The following PCDHGB1 variants were observed in gnomAD, a reference collection of about 807,000 sequenced individuals.
The protein encoded by PCDHGB1 is protocadherin gamma-B1.
Under a neutral mutation model 56.6 loss-of-function variants are expected in PCDHGB1, and 34 were observed. That is an observed-to-expected ratio of 0.60 (90% CI 0.46 to 0.80). The LOEUF is 0.80. Ranked by LOEUF, PCDHGB1 falls within the 30% of genes least tolerant of loss-of-function variation. The probability of loss-of-function intolerance (pLI) is 0.00; values close to 1 mark genes in which losing one functional copy is unlikely to be tolerated. For synonymous variants in PCDHGB1, 561 were observed against 505.9 expected, an observed-to-expected ratio of 1.11 and a Z score of -1.46; for missense variants, 1,278 against 1,204.6, an observed-to-expected ratio of 1.06 and a Z score of -0.90.
intron 1 of PCDHGB1, chr5:141,387,690 C>A: frequency 1.2e-6 from 1 of 833,028 alleles, no homozygotes; most frequent in Non-Finnish European, 1.8e-6. Context: ...AGCCGCAGCG[C>A]GCTTTCCAGG....
chr5:141,450,253 A>G (rs1025385837), intron 1 of PCDHGB1, among the ~76,000 whole-genome samples: 1 of 152,020 alleles, frequency 6.6e-6, no homozygotes, highest in African/African-American at 2.4e-5. Flanking sequence ...CCTGACCTCA[A>G]GTGATCTGCC....
chr5:141,509,765 T>G (rs1312823974), intron 3 of PCDHGB1, among the ~76,000 whole-genome samples: 2 of 152,120 alleles, frequency 1.3e-5, no homozygotes, highest in Non-Finnish European at 1.5e-5. Flanking sequence ...GTCCCTGAGA[T>G]GTCTAGTCCC....
intron 1 of PCDHGB1, chr5:141,415,577 C>G (rs776744277): frequency 2.5e-6 from 4 of 1,613,744 alleles, no homozygotes; most frequent in South Asian, 2.2e-5. Flanking sequence ...TTAGATGATT[C>G]GAAGTTTCCT....
chr5:141,389,200 A>C, intron 1 of PCDHGB1: 1 of 1,614,034 alleles, frequency 6.2e-7, no homozygotes, highest in Non-Finnish European at 8.5e-7. Context: ...ATCACCCTGC[A>C]CATTGGTGAT....
intron 1 of PCDHGB1, chr5:141,377,075 T>A (rs552169121): frequency 6.6e-6 from 1 of 152,554 alleles, no homozygotes; most frequent in South Asian, 2.1e-4. Flanking sequence ...GAGAGTCACA[T>A]AATTCTAATG....
At chr5:141,384,648 G>A in intron 1 of PCDHGB1, 1 of 1,614,238 alleles carries the variant, frequency 6.2e-7, no homozygotes, top group Middle Eastern at 1.6e-4. Flanking sequence ...GCTCCGCAGA[G>A]CCCGGCTACC....
chr5:141,404,928 C>A lies in PCDHGB1; in HGVS notation c.2409+52259C>A, dbSNP rs145718404. The stretch of plus-strand genomic sequence containing the variant: ...CAGCCCCCTCTCTCGGCCACTGTCA[C>A]GCTCACAGTAGCCATAGCTGACAGC... On this transcript the variant is annotated intron_variant, in intron 1 of 3. Coordinates refer to ENST00000523390, the MANE Select transcript of PCDHGB1 (RefSeq NM_018922.3). The A allele has an allele frequency of 1.9e-6, 3 of 1,613,866 alleles. No individual in the cohort carries two copies. In the South Asian group the frequency reaches 3.3e-5, roughly 18 times the overall value.
chr5:141,428,197 G>A, intron 1 of PCDHGB1: 3 of 1,385,968 alleles, frequency 2.2e-6, no homozygotes, highest in Non-Finnish European at 3.0e-6. Context: ...CGCTCTCTGC[G>A]CCGCTACGCT....
At chr5:141,430,808 G>A in intron 1 of PCDHGB1, 1 of 1,526,682 alleles carries the variant, frequency 6.6e-7, no homozygotes, top group East Asian at 2.3e-5. Flanking sequence ...TGTCCTGCTG[G>A]GAATCCTCCT....
At chr5:141,384,418 A>G (rs761365195) in intron 1 of PCDHGB1, 4 of 1,613,972 alleles carry the variant, frequency 2.5e-6, no homozygotes, top group Non-Finnish European at 3.4e-6. Context: ...CTATGTCTCC[A>G]TAAACTCTGA....
intron 1 of PCDHGB1, chr5:141,355,875 T>A: frequency 6.2e-7 from 1 of 1,613,100 alleles, no homozygotes; most frequent in Non-Finnish European, 8.5e-7. Flanking sequence ...GCTCTGGCAC[T>A]GCCAGGATTC....
chr5:141,419,398 G>A (rs2096375486), intron 1 of PCDHGB1: 7 of 1,613,572 alleles, frequency 4.3e-6, no homozygotes, highest in Non-Finnish European at 5.1e-6. Flanking sequence ...AGAGCGGGGT[G>A]GTGTTCGCGC....
In PCDHGB1 at chr5:141,350,425, T is replaced by C. The variant is rs759895057; in HGVS notation, c.165T>C (p.Ser55=). Residue 55 remains serine, a synonymous_variant, in exon 1 of 4, where the codon AGT becomes AGC. Transcript: ENST00000523390. ...AACTTGCCAAGGATCTGGGGCTCAG[T>C]GTCCGGGAGTTGCCAACTCGAAAAC... ...VGKLAKDLGL[S]VRELPTRKLR... 1.3e-4 allele frequency: 207 copies of C among 1,607,986 alleles called. No homozygotes were observed. Among genetic ancestry groups the C allele is most frequent in the Non-Finnish European group, 1.6e-4 (189 of 1,175,162 alleles).
At position 141,477,572 on chromosome 5, in the gene PCDHGB1, G is replaced by A. The variant is rs375416133; in HGVS notation, c.2410-17235G>A. The A allele has an allele frequency of 6.2e-7, 1 of 1,614,112 alleles. No homozygotes were observed. The highest frequency in any genetic ancestry group is 8.5e-7 in the Non-Finnish European group (1 of 1,180,030). On this transcript the variant is annotated intron_variant, in intron 1 of 3. Coordinates refer to ENST00000523390, the MANE Select transcript of PCDHGB1 (RefSeq NM_018922.3). This position sits in a 1 kb window ranked among gnomAD's most constrained non-coding sequence, Gnocchi z 4.9. ...AAACCTAAGTGTCTGGGACCCCGAC[G>A]CCCCGCAGAATGCTCGGCTTTCTTT...
Position 141,438,593 on chromosome 5 carries a change from T to TAC in PCDHGB1, c.2410-56213_2410-56212insCA, listed in dbSNP as rs1414976871. Reference sequence around the variant, plus strand: ...TGATATACATACATACATACATACATATATATATATATATATATATATATA... The same window carrying TAC: ...TGATATACATACATACATACATACATACATATATATATATATATATATATATA... On this transcript the variant is annotated intron_variant, in intron 1 of 3. Transcript: ENST00000523390. Among the ~76,000 whole-genome samples the TAC allele has an allele frequency of 1.6e-3, 115 of 73,944 alleles. 1 individual carries two copies. The highest frequency in any genetic ancestry group is 2.9e-3 in the African/African-American group (63 of 21,786). The allele number at this position is 73,944 out of a possible 152,430, so 48.5% of individuals were successfully genotyped here. A position where few individuals can be genotyped will look rare whatever the true frequency, so the allele number is the denominator to read the frequency against.
In PCDHGB1 at chr5:141,428,115, G is replaced by T. The variant is rs753384738; in HGVS notation, c.2410-66692G>T. 5 of 1,607,062 alleles carry T rather than the reference G, an allele frequency of 3.1e-6. No homozygotes were observed. In the South Asian group the frequency reaches 5.5e-5, roughly 18 times the overall value. On this transcript the variant is annotated intron_variant, in intron 1 of 3. Coordinates refer to ENST00000523390, the MANE Select transcript of PCDHGB1 (RefSeq NM_018922.3). ...GTCCTACCACGTGCTGCAGGCCATC[G>T]AGCCCGGGCTTTTCAGCCTGGGGCT...
intron 1 of PCDHGB1, among the ~76,000 whole-genome samples, chr5:141,453,049 G>C (rs1287375098): frequency 1.3e-5 from 2 of 152,222 alleles, no homozygotes; most frequent in East Asian, 3.9e-4. Context: ...TCTATTATGT[G>C]CAGTTTTAGA....
At chr5:141,360,942 G>A (rs778562389) in intron 1 of PCDHGB1, 11 of 1,613,828 alleles carry the variant, frequency 6.8e-6, no homozygotes, top group Non-Finnish European at 9.3e-6. Flanking sequence ...CCACCGACCG[G>A]GATGAAGGCA....
intron 1 of PCDHGB1, chr5:141,428,680 G>T: frequency 6.1e-6 from 1 of 162,778 alleles, no homozygotes; most frequent in Admixed American, 5.8e-5. Context: ...ATTTACAAAT[G>T]GATGAGGTTT....
Sources: gnomAD v4.1 joint callset for allele counts (sites outside exome capture counted in the v4.1 genomes callset) on GRCh38, gnomAD v4.1.1 for gene constraint, Gnocchi (gnomAD v3.1) non-coding constraint, MANE v1.5 for transcripts, NCBI Gene and HGNC (gene_info 2026-07-23, HGNC 2026-07-21) for gene names.